ARHGAP15: variants seen among roughly 807,000 people sequenced by gnomAD.
The protein encoded by ARHGAP15 is rho GTPase-activating protein 15.
ARHGAP15 carries 51 observed loss-of-function variants against 63.7 expected under a neutral mutation model. The observed-to-expected ratio is 0.80, with a 90% confidence interval of 0.64 to 1.01. The LOEUF (loss-of-function observed/expected upper bound fraction) is 1.01, where lower values mean the gene tolerates loss of function less well. Ranked by LOEUF, ARHGAP15 falls within the 50% of genes least tolerant of loss-of-function variation. ARHGAP15 has a pLI of 0.00. For synonymous variants in ARHGAP15, 191 were observed against 193.8 expected (o/e 0.99, Z 0.12); for missense variants, 560 against 564.6 (o/e 0.99, Z 0.08).
At chr2:143,561,051 T>TA (rs1317199593) in intron 11 of ARHGAP15, among the ~76,000 whole-genome samples, 1 of 152,182 alleles carries the variant, frequency 6.6e-6, no homozygotes, top group Non-Finnish European at 1.5e-5. Context: ...GTGACCTCCT[T>TA]ACACTTTTCT....
At position 143,545,551 on chromosome 2, in the gene ARHGAP15, G is replaced by A. The variant is rs1234610919; in HGVS notation, c.926-10857G>A. On this transcript the variant is annotated intron_variant, in intron 10 of 13. Transcript: ENST00000295095. ...TCTTGTTAAATAAAAGTTGGCAAGC[G>A]TTCTCGGGGTCTGTATTGTGTCTGT... is the stretch of plus-strand genomic sequence containing the variant. Among the ~76,000 whole-genome samples, 5 of 151,892 alleles carry A rather than the reference G, an allele frequency of 3.3e-5. No individual in the cohort carries two copies. In the East Asian group the frequency reaches 7.7e-4, roughly 23 times the overall value.
chr2:143,131,774 C>A (rs1224605630), intron 1 of ARHGAP15, among the ~76,000 whole-genome samples: 1 of 152,154 alleles, frequency 6.6e-6, no homozygotes, highest in African/African-American at 2.4e-5. Context: ...GCAGACAGGG[C>A]CCAAAGGATT....
intron 12 of ARHGAP15, among the ~76,000 whole-genome samples, chr2:143,670,137 G>A (rs1306422367): frequency 6.6e-6 from 1 of 152,066 alleles, no homozygotes; most frequent in African/African-American, 2.4e-5. Context: ...CTAAGAATCA[G>A]ACCCCATACA....
intron 1 of ARHGAP15, among the ~76,000 whole-genome samples, chr2:143,137,903 T>C (rs963828209): frequency 1.3e-5 from 2 of 152,096 alleles, no homozygotes; most frequent in Admixed American, 1.3e-4. Flanking sequence ...CTCTGCTAAA[T>C]GCACTGGGGA....
chr2:143,645,407 T>C (rs1326156533), intron 12 of ARHGAP15, among the ~76,000 whole-genome samples: 1 of 152,104 alleles, frequency 6.6e-6, no homozygotes, highest in Non-Finnish European at 1.5e-5. Flanking sequence ...ATCTTGAAGC[T>C]TGAATTAATT....
At chr2:143,141,767 T>C (rs559417023) in intron 1 of ARHGAP15, among the ~76,000 whole-genome samples, 1 of 152,260 alleles carries the variant, frequency 6.6e-6, no homozygotes, top group South Asian at 2.1e-4. Flanking sequence ...CCAGCTTAGA[T>C]TTAAAAATAA....
chr2:143,240,555 G>A (rs542428040), intron 5 of ARHGAP15, among the ~76,000 whole-genome samples: 6 of 152,154 alleles, frequency 3.9e-5, no homozygotes, highest in East Asian at 3.9e-4. Flanking sequence ...ACTAATGAAG[G>A]CATTTTAAAA....
intron 6 of ARHGAP15, among the ~76,000 whole-genome samples, chr2:143,256,592 G>A (rs186625905): frequency 1.3e-5 from 2 of 152,146 alleles, no homozygotes; most frequent in African/African-American, 2.4e-5. Flanking sequence ...TAGCAACTAT[G>A]CCCCAAGTGA....
At chr2:143,131,239 A>G (rs1688903843) in intron 1 of ARHGAP15, among the ~76,000 whole-genome samples, 1 of 152,208 alleles carries the variant, frequency 6.6e-6, no homozygotes, top group Non-Finnish European at 1.5e-5. Context: ...TACCTTCAGA[A>G]TTGTTTGTAA....
At chr2:143,564,330 C>T (rs1186881093) in intron 11 of ARHGAP15, among the ~76,000 whole-genome samples, 2 of 152,100 alleles carry the variant, frequency 1.3e-5, no homozygotes, top group Non-Finnish European at 2.9e-5. Flanking sequence ...GAGGGGACTA[C>T]ACAAGGTATA....
chr2:143,510,516 T>G (rs998656628), intron 9 of ARHGAP15, among the ~76,000 whole-genome samples: 8 of 152,178 alleles, frequency 5.3e-5, no homozygotes, highest in Admixed American at 2.6e-4. Flanking sequence ...TTCTTCCAAT[T>G]TCATGGCTCC....
chr2:143,340,535 T>TA (rs1685014272), intron 6 of ARHGAP15, among the ~76,000 whole-genome samples: 1 of 151,698 alleles, frequency 6.6e-6, no homozygotes, highest in South Asian at 2.1e-4. Flanking sequence ...CTCTTTTTTT[T>TA]TTTAATAAAT....
intron 6 of ARHGAP15, among the ~76,000 whole-genome samples, chr2:143,289,380 A>G (rs890406038): frequency 4.6e-5 from 7 of 152,224 alleles, no homozygotes; most frequent in African/African-American, 1.7e-4. Context: ...TTAAAATTGT[A>G]CAAATCAAAA....
chr2:143,182,955 G>T (rs1691296811), intron 2 of ARHGAP15, among the ~76,000 whole-genome samples: 1 of 152,148 alleles, frequency 6.6e-6, no homozygotes, highest in East Asian at 1.9e-4. Context: ...AGGATCAGGA[G>T]ACCAAAGGCC....
At chr2:143,577,153 A>G (rs2105135062) in intron 11 of ARHGAP15, among the ~76,000 whole-genome samples, 1 of 152,260 alleles carries the variant, frequency 6.6e-6, no homozygotes, top group East Asian at 1.9e-4. Flanking sequence ...TAGGCCCTGA[A>G]AAAATAGATG....
intron 6 of ARHGAP15, among the ~76,000 whole-genome samples, chr2:143,338,007 A>T (rs1031116777): frequency 1.3e-5 from 2 of 152,306 alleles, no homozygotes. Context: ...TGTACCTTTA[A>T]TGTGTCTAGT....
intron 13 of ARHGAP15, among the ~76,000 whole-genome samples, chr2:143,746,496 T>C (rs1574921360): frequency 6.6e-6 from 1 of 152,312 alleles, no homozygotes; most frequent in Non-Finnish European, 1.5e-5. Flanking sequence ...CAGAAAAATA[T>C]TGGGGAGTAC....
At chr2:143,556,316 G>C (rs1419043257) in intron 10 of ARHGAP15, 92 bp from the exon 11 acceptor site, 3 of 951,608 alleles carry the variant, frequency 3.2e-6, no homozygotes, top group Non-Finnish European at 4.7e-6. Flanking sequence ...GAGAAGAATA[G>C]ATATTTGATT....
intron 12 of ARHGAP15, among the ~76,000 whole-genome samples, chr2:143,699,384 T>G (rs185410376): frequency 1.3e-5 from 2 of 152,304 alleles, no homozygotes; most frequent in African/African-American, 4.8e-5. Flanking sequence ...ATTTAGCACT[T>G]AAGTATAACT....
Sources: gnomAD v4.1 joint callset for allele counts (sites outside exome capture counted in the v4.1 genomes callset) on GRCh38, gnomAD v4.1.1 for gene constraint, MANE v1.5 for transcripts, NCBI Gene and HGNC (gene_info 2026-07-23, HGNC 2026-07-21) for gene names.